TAPBP: variants seen among roughly 807,000 people sequenced by gnomAD.
TAPBP encodes the protein TAP binding protein.
TAPBP carries 38 observed loss-of-function variants against 45.7 expected under a neutral mutation model. That is an observed-to-expected ratio of 0.83 (90% CI 0.64 to 1.09). The LOEUF (loss-of-function observed/expected upper bound fraction) is 1.09. TAPBP is among the 50% of genes least tolerant of loss of function. The pLI is 0.00. For synonymous variants in TAPBP, 226 were observed against 254.8 expected, an observed-to-expected ratio of 0.89 and a Z score of 1.08; for missense variants, 513 against 587.3, an observed-to-expected ratio of 0.87 and a Z score of 1.31.
intron 7 of TAPBP, among the ~76,000 whole-genome samples, chr6:33,302,391 C>T (rs2150956971): frequency 6.6e-6 from 1 of 152,180 alleles, no homozygotes; most frequent in South Asian, 2.1e-4. Flanking sequence ...GTGGTGCGAT[C>T]TCGGCTCACT....
At position 33,300,170 on chromosome 6, in the gene TAPBP, G is replaced by C. The variant is rs558750071; in HGVS notation, c.*1590C>G. 6.5e-6 allele frequency: 1 copy of C among 153,912 alleles called. No individual in the cohort carries two copies. The highest frequency in any genetic ancestry group is 2.1e-4 in the South Asian group (1 of 4,828). The allele number at this position is 153,912 out of a possible 1,614,324, so 9.5% of individuals were successfully genotyped here. On this transcript the variant is annotated 3_prime_UTR_variant, in exon 8 of 8. Transcript: ENST00000434618. ...GTGATGAGCATTGAGAGGAGGTCTGGCGAGCACCATCTAGGGCTGAAGAAC... is the reference window on the plus strand; with the variant it reads ...GTGATGAGCATTGAGAGGAGGTCTGCCGAGCACCATCTAGGGCTGAAGAAC...
In TAPBP at chr6:33,305,668, T is replaced by C. The variant is rs1413638789; in HGVS notation, c.470-281A>G. On this transcript the variant is annotated intron_variant, in intron 3 of 7. Transcript: ENST00000434618. This position sits in a 1 kb window ranked among gnomAD's most constrained non-coding sequence, Gnocchi z 4.4. ...GCCTTTGAAGCCTACTCTGAACACA[T>C]AGCACACTCTAGCTCGGGGGACTGC... 1.3e-5 allele frequency among the ~76,000 whole-genome samples: 2 copies of C among 152,006 alleles called. No homozygotes were observed. Among genetic ancestry groups the C allele is most frequent in the African/African-American group, 2.4e-5 (1 of 41,372 alleles).
Position 33,313,250 on chromosome 6 carries a change from G to C in TAPBP, c.436C>G (p.Gln146Glu). Residue 146 changes from glutamine to glutamate, a missense_variant, in exon 3 of 8, where the codon CAG becomes GAG. By Grantham distance (29) the Gln-to-Glu change is conservative (BLOSUM62 2). Coordinates refer to ENST00000434618, the MANE Select transcript of TAPBP (RefSeq NM_003190.5). This position sits in a 1 kb window ranked among gnomAD's most constrained non-coding sequence, Gnocchi z 7.2. ...ATGGTGATGAGAACAGGCTCCTGCT[G>C]AGGCTCTGGCTGTGGTCGCAAGAGG... is the stretch of plus-strand genomic sequence containing the variant. Reference protein sequence around the residue: ...SSLLRPQPEPQQEPVLITMAT... With the variant: ...SSLLRPQPEPEQEPVLITMAT... 6.2e-7 allele frequency: 1 copy of C among 1,614,008 alleles called. No homozygotes were observed. The highest frequency in any genetic ancestry group is 8.5e-7 in the Non-Finnish European group (1 of 1,179,930).
At position 33,305,386 on chromosome 6, in the gene TAPBP, C is replaced by G; in HGVS notation, c.471G>C (p.Val157=). 1.3e-6 allele frequency: 2 copies of G among 1,514,688 alleles called. No homozygotes were observed. Among genetic ancestry groups the G allele is most frequent in the Non-Finnish European group, 1.8e-6 (2 of 1,133,186 alleles). 93.8% of individuals were successfully genotyped at this position (1,514,688 alleles called of 1,614,324 possible). A position where few individuals can be genotyped will look rare whatever the true frequency, so the allele number is the denominator to read the frequency against. Residue 157 remains valine, a splice_region_variant and synonymous_variant, in exon 4 of 8, where the codon GTG becomes GTC. Coordinates refer to ENST00000434618, the MANE Select transcript of TAPBP (RefSeq NM_003190.5). The surrounding 1 kb of genome is among the most constrained non-coding windows in gnomAD (Gnocchi z 4.4). ...QEPVLITMAT[V]VLTVLTHTPA... is the part of the protein sequence containing the mutation. ...GGGTGTGGGTGAGGACAGTCAGTAC[C>G]ACTGAGGAAGACAGGGAGATGAGGG... is the stretch of plus-strand genomic sequence containing the variant.
chr6:33,304,940 A>G lies in TAPBP; in HGVS notation c.868+49T>C, dbSNP rs781623215. The stretch of plus-strand genomic sequence containing the variant: ...TCCCTCCCCCTATTACGGTCCCCAC[A>G]ATCCAGTGCCCACCCTCTACCCCTG... On this transcript the variant is annotated intron_variant, in intron 4 of 7. Transcript: ENST00000434618. 3.4e-5 allele frequency: 54 copies of G among 1,601,548 alleles called. No individual in the cohort carries two copies. In the East Asian group the frequency reaches 1.2e-3, roughly 35 times the overall value.
intron 7 of TAPBP, among the ~76,000 whole-genome samples, chr6:33,302,592 G>A (rs936237573): frequency 1.3e-5 from 2 of 151,606 alleles, no homozygotes; most frequent in African/African-American, 4.8e-5. Context: ...CTCCCAAAGT[G>A]CTAGGATTAC....
In TAPBP at chr6:33,304,495, C is replaced by A; in HGVS notation, c.1012G>T (p.Gly338Cys). ...TGCCCCTCGGCCTTCTGAGAGCGGC[C>A]CCCTGGGCCACCCCGGAGTTCCCAC... is the stretch of plus-strand genomic sequence containing the variant. Reference protein sequence around the residue: ...VEWELRGGPGGRSQKAEGQRW... With the variant: ...VEWELRGGPGCRSQKAEGQRW... The change falls in exon 5 of 8, where the codon GGC becomes TGC. Residue 338 changes from glycine (G) to cysteine (C), a missense_variant. Transcript: ENST00000434618. 6.2e-7 allele frequency: 1 copy of A among 1,613,266 alleles called. No individual in the cohort carries two copies. The highest frequency in any genetic ancestry group is 2.2e-5 in the East Asian group (1 of 44,852).
chr6:33,313,882 G>A lies in TAPBP; in HGVS notation c.38-18C>T, dbSNP rs762601324. 9.9e-6 allele frequency: 16 copies of A among 1,613,316 alleles called. No individual in the cohort carries two copies. The Admixed American group carries it at 2.0e-4, about 20-fold the overall frequency. On this transcript the variant is annotated intron_variant, in intron 1 of 7. Coordinates refer to ENST00000434618, the MANE Select transcript of TAPBP (RefSeq NM_003190.5). The surrounding 1 kb of genome is among the most constrained non-coding windows in gnomAD (Gnocchi z 7.2). Reference sequence around the variant, plus strand: ...CGCCAGGCCTGGCGTATAGGGACGCGAGTGAGGAGCGGTTTGTATGTCTGG... The same window carrying A: ...CGCCAGGCCTGGCGTATAGGGACGCAAGTGAGGAGCGGTTTGTATGTCTGG...
intron 3 of TAPBP, among the ~76,000 whole-genome samples, chr6:33,306,436 C>T (rs1434001531): frequency 1.3e-5 from 2 of 152,254 alleles, no homozygotes; most frequent in Non-Finnish European, 2.9e-5. Flanking sequence ...AGTCCCTGCT[C>T]TCAAATTGCC....
rs1458814607 is a variant in TAPBP, at chr6:33,313,238, C to G, written c.448G>C (p.Val150Leu). The G allele has an allele frequency of 6.2e-7, 1 of 1,613,874 alleles. No individual in the cohort carries two copies. Among genetic ancestry groups the G allele is most frequent in the African/African-American group, 1.3e-5 (1 of 75,064 alleles). Reference protein sequence around the residue: ...RPQPEPQQEPVLITMATVVLT... With the variant: ...RPQPEPQQEPLLITMATVVLT... Reference sequence around the variant, plus strand: ...CTACCTGTTGCCATGGTGATGAGAACAGGCTCCTGCTGAGGCTCTGGCTGT... The same window carrying G: ...CTACCTGTTGCCATGGTGATGAGAAGAGGCTCCTGCTGAGGCTCTGGCTGT... The change falls in exon 3 of 8, where the codon GTT (valine) becomes CTT (leucine). Residue 150 changes from valine to leucine, a missense_variant. Transcript: ENST00000434618. The surrounding 1 kb of genome is among the most constrained non-coding windows in gnomAD (Gnocchi z 7.2).
chr6:33,313,844 C>T lies in TAPBP; in HGVS notation c.58G>A (p.Ala20Thr). Residue 20 changes from alanine to threonine, a missense_variant, in exon 2 of 8, where the codon GCA becomes ACA. By Grantham distance (58) the Ala-to-Thr change is moderately conservative. Coordinates refer to ENST00000434618, the MANE Select transcript of TAPBP (RefSeq NM_003190.5). The surrounding 1 kb of genome is among the most constrained non-coding windows in gnomAD (Gnocchi z 7.2). ...CAACACTCGATCACCGCGGGTCCTG[C>T]TGAGACGGCGGTCGCCAGGCCTGGC... Reference protein sequence around the residue: ...VALGLATAVSAGPAVIECWFV... With the variant: ...VALGLATAVSTGPAVIECWFV... 1 of 1,613,826 alleles carries T rather than the reference C, an allele frequency of 6.2e-7. No individual in the cohort carries two copies. The highest frequency in any genetic ancestry group is 8.5e-7 in the Non-Finnish European group (1 of 1,180,008).
chr6:33,313,452 GGCAGCCTGGAGGGCGCCC>G lies in TAPBP; in HGVS notation c.216_233del (p.Gly73_Ala78del). The stretch of plus-strand genomic sequence containing the variant: ...GGGCGCCCCGGGGATACCGCCTGAA[GGCAGCCTGGAGGGCGCCC>G]GCGGGGTCTGAGTGTAGAGAAGGAA... On this transcript the variant is annotated inframe_deletion, in exon 3 of 8. Coordinates refer to ENST00000434618, the MANE Select transcript of TAPBP (RefSeq NM_003190.5). The surrounding 1 kb of genome is among the most constrained non-coding windows in gnomAD (Gnocchi z 7.2). 1 of 1,588,592 alleles carries G rather than the reference GGCAGCCTGGAGGGCGCCC, an allele frequency of 6.3e-7. No homozygotes were observed. Among genetic ancestry groups the G allele is most frequent in the Non-Finnish European group, 8.6e-7 (1 of 1,164,310 alleles).
At chr6:33,303,315 A>C (rs1157271189) in intron 7 of TAPBP, among the ~76,000 whole-genome samples, 2 of 152,072 alleles carry the variant, frequency 1.3e-5, no homozygotes, top group Non-Finnish European at 2.9e-5. Context: ...ACTACTCGGG[A>C]GGCTAAGGCA....
chr6:33,307,986 C>G (rs1033457629), intron 3 of TAPBP: 3 of 152,566 alleles, frequency 2.0e-5, no homozygotes, highest in African/African-American at 7.3e-5. Context: ...CTCACTAGTC[C>G]AAAGATCTGA....
chr6:33,305,274 G>T lies in TAPBP; in HGVS notation c.583C>A (p.Leu195Met). ...CCAAAGGGAGGGGGACCCGGAGCCA[G>T]AGATGAGGCGGCCTCGGAGGTGGGG... The part of the protein sequence containing the change: ...MPPTSEAASS[L>M]APGPPPFGLE... The change falls in exon 4 of 8, where the codon CTG becomes ATG. Residue 195 changes from leucine to methionine, a missense_variant. Coordinates refer to ENST00000434618, the MANE Select transcript of TAPBP (RefSeq NM_003190.5). The surrounding 1 kb of genome is among the most constrained non-coding windows in gnomAD (Gnocchi z 4.4). 13 of 1,596,966 alleles carry T rather than the reference G, an allele frequency of 8.1e-6. No individual in the cohort carries two copies. The highest frequency in any genetic ancestry group is 1.1e-5 in the Non-Finnish European group (13 of 1,170,480).
chr6:33,303,656 T>G (rs1652022210), intron 7 of TAPBP: 2 of 1,306,380 alleles, frequency 1.5e-6, no homozygotes, highest in Admixed American at 2.7e-5. Flanking sequence ...TTTCTGCTTA[T>G]TTTTTTAATG....
At chr6:33,311,854 G>A (rs1183838533) in intron 3 of TAPBP, among the ~76,000 whole-genome samples, 1 of 152,100 alleles carries the variant, frequency 6.6e-6, no homozygotes, top group Non-Finnish European at 1.5e-5. Context: ...GACCCTTAAG[G>A]GCACCCAGGG....
At chr6:33,308,355 C>T (rs1769112295) in intron 3 of TAPBP, among the ~76,000 whole-genome samples, 1 of 151,900 alleles carries the variant, frequency 6.6e-6, no homozygotes. Context: ...TAAATATGTA[C>T]ATAATAAAAA....
chr6:33,304,709 G>C (rs1002644640), intron 4 of TAPBP, 71 bp from the exon 5 acceptor site: 1 of 1,470,868 alleles, frequency 6.8e-7, no homozygotes, highest in Non-Finnish European at 9.0e-7. Context: ...CCCTCAGTTT[G>C]CCTGCTGGCT....
Sources: gnomAD v4.1 joint callset for allele counts (sites outside exome capture counted in the v4.1 genomes callset) on GRCh38, gnomAD v4.1.1 for gene constraint, Gnocchi (gnomAD v3.1) non-coding constraint, MANE v1.5 for transcripts, NCBI Gene and HGNC (gene_info 2026-07-23, HGNC 2026-07-21) for gene names.